SPRED3: variants seen among roughly 807,000 people sequenced by gnomAD.
The protein encoded by SPRED3 is sprouty-related, EVH1 domain-containing protein 3.
SPRED3 carries 23 observed loss-of-function variants against 37.6 expected under a neutral mutation model. The observed-to-expected ratio is 0.61, with a 90% CI of 0.44 to 0.87. SPRED3 has a LOEUF of 0.87. Among genes scored for constraint, SPRED3 ranks in the 40% least tolerant of loss-of-function variants. The pLI, the probability that SPRED3 is intolerant of heterozygous loss-of-function variation, is 0.00. For synonymous variants in SPRED3, 302 were observed against 279.6 expected, an observed-to-expected ratio of 1.08 and a Z score of -0.80; for missense variants, 584 against 618.6, an observed-to-expected ratio of 0.94 and a Z score of 0.59.
rs545330923 is a variant in SPRED3 at position 38,396,179 on chromosome 19, G to T, written c.*34G>T. ...TGGTGGGTCCCCTAGCCGGCCCGAG[G>T]ACCCAAAATTGAGGGTCCAGGACCC... is the stretch of plus-strand genomic sequence containing the variant. On this transcript the variant is annotated 3_prime_UTR_variant, in exon 6 of 6. Coordinates refer to ENST00000691638, the MANE Select transcript of SPRED3 (RefSeq NM_001394336.1). 160 of 1,242,532 alleles carry T rather than the reference G, an allele frequency of 1.3e-4. No homozygotes were observed. Among genetic ancestry groups the T allele is most frequent in the Admixed American group, 2.6e-4 (6 of 23,476 alleles). The allele number at this position is 1,242,532 out of a possible 1,614,324, so 77.0% of individuals were successfully genotyped here.
Position 38,399,411 on chromosome 19 carries a change from G to T in SPRED3, c.*3266G>T, listed in dbSNP as rs1341661237. On this transcript the variant is annotated 3_prime_UTR_variant, in exon 6 of 6. Transcript: ENST00000691638. Reference sequence around the variant, plus strand: ...CGGATGCTTGGCCCCCAGATTTGGGGGAGGCACCCCAACATATATCTTCCT... The same window carrying T: ...CGGATGCTTGGCCCCCAGATTTGGGTGAGGCACCCCAACATATATCTTCCT... 1 of 152,154 alleles carries T rather than the reference G, an allele frequency of 6.6e-6. No individual in the cohort carries two copies. Among genetic ancestry groups the T allele is most frequent in the Non-Finnish European group, 1.5e-5 (1 of 68,056 alleles). 9.4% of individuals were successfully genotyped at this position (152,154 alleles called of 1,614,324 possible).
rs1970780776 is a variant in SPRED3, at chr19:38,388,738, G to A, written c.-74G>A. ...CTCCAGCGCCGCCGGAGCCAGCCAG[G>A]GAGCCGGAACGAAAAGGAGGAGGAG... On this transcript the variant is annotated 5_prime_UTR_variant, in exon 1 of 6. Coordinates refer to ENST00000691638, the MANE Select transcript of SPRED3 (RefSeq NM_001394336.1). 6 of 393,270 alleles carry A rather than the reference G, an allele frequency of 1.5e-5. No homozygotes were observed. In the South Asian group the frequency reaches 6.5e-4, roughly 43 times the overall value. 24.4% of individuals were successfully genotyped at this position (393,270 alleles called of 1,614,324 possible). A position where few individuals can be genotyped will look rare whatever the true frequency, so the allele number is the denominator to read the frequency against.
rs1489758056 is a variant in SPRED3 at position 38,395,950 on chromosome 19, C to G, written c.1038C>G (p.Ala346=). 6.7e-7 allele frequency: 1 copy of G among 1,496,274 alleles called. No individual in the cohort carries two copies. Among genetic ancestry groups the G allele is most frequent in the Non-Finnish European group, 8.8e-7 (1 of 1,130,832 alleles). The allele number at this position is 1,496,274 out of a possible 1,614,324, so 92.7% of individuals were successfully genotyped here. A position where few individuals can be genotyped will look rare whatever the true frequency, so the allele number is the denominator to read the frequency against. Residue 346 remains alanine, a synonymous_variant, in exon 6 of 6, where the codon GCC becomes GCG. Transcript: ENST00000691638. This position sits in a 1 kb window ranked among gnomAD's most constrained non-coding sequence, Gnocchi z 5.2. ...TGCTCTACCACTGCCTGTCGGACGC[C>G]GAGGGCGACTTCTCGGACCCGTGCG... ...ESLLYHCLSD[A]EGDFSDPCAC...
rs1426228613 is a variant in SPRED3 at position 38,394,392 on chromosome 19, C to A, written c.424-251C>A. 4 of 1,580,944 alleles carry A rather than the reference C, an allele frequency of 2.5e-6. No individual in the cohort carries two copies. In the Admixed American group the frequency reaches 6.7e-5, roughly 27 times the overall value. ...CAGTACTTCAGGCATATGCTGTGCC[C>A]TTGACAGTGGCCCTAACCGCATCCT... On this transcript the variant is annotated intron_variant, in intron 4 of 5. Transcript: ENST00000691638.
Position 38,395,593 on chromosome 19 carries a change from G to A in SPRED3, c.681G>A (p.Gly227=). The part of the protein sequence containing the change: ...GRGYEDYRRS[G]PPAPLALSTC... ...GCTACGAGGATTACCGGCGCTCCGG[G>A]CCACCCGCGCCCCTCGCCCTGTCCA... The change falls in exon 6 of 6, where the codon GGG becomes GGA. Residue 227 remains glycine, a synonymous_variant. Coordinates refer to ENST00000691638, the MANE Select transcript of SPRED3 (RefSeq NM_001394336.1). This position sits in a 1 kb window ranked among gnomAD's most constrained non-coding sequence, Gnocchi z 5.2. 1 of 1,550,046 alleles carries A rather than the reference G, an allele frequency of 6.5e-7. No homozygotes were observed.
At position 38,388,772 on chromosome 19, in the gene SPRED3, G is replaced by T; in HGVS notation, c.-40G>T. 1 of 398,096 alleles carries T rather than the reference G, an allele frequency of 2.5e-6. No homozygotes were observed. The highest frequency in any genetic ancestry group is 1.3e-4 in the South Asian group (1 of 7,842). The allele number at this position is 398,096 out of a possible 1,614,324, so 24.7% of individuals were successfully genotyped here. A position where few individuals can be genotyped will look rare whatever the true frequency, so the allele number is the denominator to read the frequency against. Reference sequence around the variant, plus strand: ...ACGAAAAGGAGGAGGAGGAGGCCGCGTCGCCGCCGCTCGGAGCCCGGCCGG... The same window carrying T: ...ACGAAAAGGAGGAGGAGGAGGCCGCTTCGCCGCCGCTCGGAGCCCGGCCGG... On this transcript the variant is annotated 5_prime_UTR_variant, in exon 1 of 6. Transcript: ENST00000691638.
chr19:38,391,905 T>C (rs976610739), intron 2 of SPRED3, 41 bp from the exon 3 acceptor site: 2 of 1,606,684 alleles, frequency 1.2e-6, no homozygotes, highest in Non-Finnish European at 1.7e-6. Context: ...CAGGCATGTC[T>C]GGGTTGGGGT....
chr19:38,392,246 C>G lies in SPRED3; in HGVS notation c.381C>G (p.Ser127=). ...SLTPSSSSSS[S]SPSQDTAETP... is the part of the protein sequence containing the mutation. Reference sequence around the variant, plus strand: ...CCCCCTCCTCCTCCTCCTCCTCCTCCTCTCCTTCCCAGGATACTGCAGAGA... The same window carrying G: ...CCCCCTCCTCCTCCTCCTCCTCCTCGTCTCCTTCCCAGGATACTGCAGAGA... The change falls in exon 4 of 6, where the codon TCC becomes TCG. Residue 127 remains serine (S), a synonymous_variant. Coordinates refer to ENST00000691638, the MANE Select transcript of SPRED3 (RefSeq NM_001394336.1). 6.3e-7 allele frequency: 1 copy of G among 1,592,108 alleles called. No individual in the cohort carries two copies.
intron 5 of SPRED3, 26 bp downstream of exon 5, chr19:38,394,812 T>G: frequency 6.6e-7 from 1 of 1,524,064 alleles, no homozygotes; most frequent in South Asian, 1.2e-5. Context: ...CTGGGGCTCC[T>G]GGGGGAATGG....
At chr19:38,390,200 A>T in intron 1 of SPRED3, 99 bp from the exon 2 acceptor site, 1 of 1,194,494 alleles carries the variant, frequency 8.4e-7, no homozygotes, top group Non-Finnish European at 1.1e-6. Flanking sequence ...GTGAGAGATG[A>T]AGTTGGAGGG....
In SPRED3 at chr19:38,395,726, G is replaced by A. The variant is rs1490646399; in HGVS notation, c.814G>A (p.Ala272Thr). ...LTEAAPPAPP[A>T]RPPPGPGPSS... ...CGAGGCTGCGCCCCCAGCGCCCCCC[G>A]CTCGCCCACCCCCCGGCCCGGGCCC... is the stretch of plus-strand genomic sequence containing the variant. Residue 272 changes from alanine to threonine, a missense_variant, in exon 6 of 6, where the codon GCT (alanine) becomes ACT (threonine). Ala to Thr is a moderately conservative substitution (Grantham distance 58). Around this residue, in one of 7 missense-constraint regions of SPRED3, gnomAD observed 310 missense variants for 281.1 expected, o/e 1.10. Coordinates refer to ENST00000691638, the MANE Select transcript of SPRED3 (RefSeq NM_001394336.1). This position sits in a 1 kb window ranked among gnomAD's most constrained non-coding sequence, Gnocchi z 5.2. 2.1e-6 allele frequency: 3 copies of A among 1,432,626 alleles called. No homozygotes were observed. Among genetic ancestry groups the A allele is most frequent in the South Asian group, 1.4e-5 (1 of 70,342 alleles). The allele number at this position is 1,432,626 out of a possible 1,614,324, so 88.7% of individuals were successfully genotyped here.
At chr19:38,391,103 T>G (rs993465062) in intron 2 of SPRED3, among the ~76,000 whole-genome samples, 1 of 147,576 alleles carries the variant, frequency 6.8e-6, no homozygotes. Flanking sequence ...TGAAATGGAG[T>G]GAAGGAATAT....
chr19:38,392,202 C>G lies in SPRED3; in HGVS notation c.347-10C>G, dbSNP rs374335940. ...AAGGAACTCACTCTCTGCCTCTCTC[C>G]CTGCCCCAGGCTCACTCACCCCCTC... On this transcript the variant is annotated splice_polypyrimidine_tract_variant and intron_variant, in intron 3 of 5. Coordinates refer to ENST00000691638, the MANE Select transcript of SPRED3 (RefSeq NM_001394336.1). 1 of 1,601,202 alleles carries G rather than the reference C, an allele frequency of 6.2e-7. No individual in the cohort carries two copies. The highest frequency in any genetic ancestry group is 8.5e-7 in the Non-Finnish European group (1 of 1,172,716).
chr19:38,394,703 G>A lies in SPRED3; in HGVS notation c.484G>A (p.Ala162Thr). 6.3e-7 allele frequency: 1 copy of A among 1,595,246 alleles called. No individual in the cohort carries two copies. Among genetic ancestry groups the A allele is most frequent in the African/African-American group, 1.3e-5 (1 of 74,902 alleles). ...CCGCCAGGAGACTCCTCCCAGCGCC[G>A]CTGCGGCCCCCATCATCACGATGGA... ...HSRQETPPSA[A>T]AAPIITMESA... Residue 162 changes from alanine (A) to threonine (T), a missense_variant, in exon 5 of 6, where the codon GCT (alanine) becomes ACT (threonine). Ala to Thr is a moderately conservative substitution (Grantham distance 58). Transcript: ENST00000691638.
chr19:38,395,799 G>T lies in SPRED3; in HGVS notation c.887G>T (p.Arg296Leu). 1.4e-6 allele frequency: 2 copies of T among 1,465,716 alleles called. No homozygotes were observed. The highest frequency in any genetic ancestry group is 1.8e-6 in the Non-Finnish European group (2 of 1,116,604). 90.8% of individuals were successfully genotyped at this position (1,465,716 alleles called of 1,614,324 possible). The change falls in exon 6 of 6, where the codon CGC becomes CTC. Residue 296 changes from arginine (R) to leucine (L), a missense_variant. Coordinates refer to ENST00000691638, the MANE Select transcript of SPRED3 (RefSeq NM_001394336.1). This position sits in a 1 kb window ranked among gnomAD's most constrained non-coding sequence, Gnocchi z 5.2. ...KASPEAEEAA[R>L]CVHCRALFRR... ...TCCCCGGAAGCGGAGGAGGCAGCGC[G>T]CTGCGTGCATTGCCGCGCGCTCTTC... is the stretch of plus-strand genomic sequence containing the variant.
Position 38,396,073 on chromosome 19 carries a change from C to T in SPRED3, c.1161C>T (p.Arg387=), listed in dbSNP as rs112133734. ...VPCLCCYAPL[R]ACHWVAARCG... The stretch of plus-strand genomic sequence containing the variant: ...GCCTCTGCTGCTACGCGCCCCTGCG[C>T]GCGTGCCACTGGGTCGCAGCGCGAT... Residue 387 remains arginine (R), a synonymous_variant, in exon 6 of 6, where the codon CGC becomes CGT. Transcript: ENST00000691638. The T allele has an allele frequency of 0.031, 41,191 of 1,346,446 alleles. 700 individuals carry two copies. Among genetic ancestry groups the T allele is most frequent in the South Asian group, 0.048 (2,563 of 52,910 alleles). The allele number at this position is 1,346,446 out of a possible 1,614,324, so 83.4% of individuals were successfully genotyped here. A position where few individuals can be genotyped will look rare whatever the true frequency, so the allele number is the denominator to read the frequency against.
chr19:38,394,557 C>G, intron 4 of SPRED3, 86 bp from the exon 5 acceptor site: 1 of 1,553,962 alleles, frequency 6.4e-7, no homozygotes, highest in Non-Finnish European at 8.7e-7. Context: ...GCCGCAGAGC[C>G]CTCGCTCTCA....
At chr19:38,390,766 C>CCG (rs1271454724) in intron 2 of SPRED3, among the ~76,000 whole-genome samples, 1 of 92,532 alleles carries the variant, frequency 1.1e-5, no homozygotes, top group Non-Finnish European at 2.2e-5. Context: ...GGGGCACTGC[C>CCG]CCCCCCCCCC....
intron 2 of SPRED3, 125 bp from the exon 3 acceptor site, chr19:38,391,821 A>C (rs1970835984): frequency 8.9e-7 from 1 of 1,129,566 alleles, no homozygotes. Flanking sequence ...TCAGGGTTAC[A>C]CTTAGGGTTG....
Sources: allele counts gnomAD v4.1 joint callset (sites outside exome capture counted in the v4.1 genomes callset), GRCh38; gene constraint gnomAD v4.1.1; regional missense constraint gnomAD v4.1.1; non-coding constraint Gnocchi (gnomAD v3.1); transcripts MANE v1.5; gene names NCBI Gene and HGNC (gene_info 2026-07-23, HGNC 2026-07-21).